The following IL4I1 variants were observed in gnomAD, a reference collection of about 807,000 sequenced individuals.
The protein encoded by IL4I1 is L-amino-acid oxidase.
A neutral mutation model predicts 29.7 loss-of-function variants in IL4I1; 24 were observed. The ratio of observed to expected loss-of-function variants is 0.81; its 90% confidence interval spans 0.59 to 1.14. The LOEUF (loss-of-function observed/expected upper bound fraction) is 1.14. IL4I1 is among the 50% of genes most tolerant of loss of function. The pLI, the probability that IL4I1 is intolerant of heterozygous loss-of-function variation, is 0.00. For missense variants in IL4I1, 686 were observed against 785.6 expected, an observed-to-expected ratio of 0.87 and a Z score of 1.52; for synonymous variants, 371 against 352.5, an observed-to-expected ratio of 1.05 and a Z score of -0.59.
intron 2 of IL4I1, among the ~76,000 whole-genome samples, chr19:49,905,315 C>G (rs1292267011): frequency 6.6e-6 from 1 of 152,210 alleles, no homozygotes; most frequent in East Asian, 1.9e-4. Context: ...AGCACCAGAT[C>G]AGGATCAGCT....
rs1265196755 is a variant in IL4I1 at position 49,889,686 on chromosome 19, G to T, written c.1688C>A (p.Thr563Lys). The part of the protein sequence containing the change: ...GQLSLQNTTH[T>K]RTSH ...GAAAATACTTTAATGCGAGGTCCTC[G>T]TGTGGGTCGTGTTTTGGAGAGATAA... The change falls in exon 8 of 8, where the codon ACG (threonine) becomes AAG (lysine). Residue 563 changes from threonine (T) to lysine (K), a missense_variant. Coordinates refer to ENST00000391826, the MANE Select transcript of IL4I1 (RefSeq NM_152899.2). The T allele has an allele frequency of 6.7e-7, 1 of 1,500,122 alleles. No individual in the cohort carries two copies. The highest frequency in any genetic ancestry group is 8.9e-7 in the Non-Finnish European group (1 of 1,123,504). 92.9% of individuals were successfully genotyped at this position (1,500,122 alleles called of 1,614,324 possible).
At chr19:49,925,319 G>GGCTC (rs1437895143) in intron 2 of IL4I1, among the ~76,000 whole-genome samples, 1 of 151,920 alleles carries the variant, frequency 6.6e-6, no homozygotes, top group Admixed American at 6.6e-5. Flanking sequence ...CGGGCACAGT[G>GGCTC]GCTCAGGCTT....
At chr19:49,902,408 G>A (rs2075279302) in intron 3 of IL4I1, among the ~76,000 whole-genome samples, 1 of 145,070 alleles carries the variant, frequency 6.9e-6, no homozygotes, top group African/African-American at 2.6e-5. Context: ...TGCCCAGGCT[G>A]GAGTGCAGTG....
At chr19:49,908,726 C>G (rs1383368146) in intron 2 of IL4I1, 1 of 1,613,118 alleles carries the variant, frequency 6.2e-7, no homozygotes, top group Non-Finnish European at 8.5e-7. Context: ...CGTGCGGTCC[C>G]AGGCGTTGAC....
intron 2 of IL4I1, among the ~76,000 whole-genome samples, chr19:49,914,068 G>A (rs997676914): frequency 6.6e-6 from 1 of 152,138 alleles, no homozygotes; most frequent in Non-Finnish European, 1.5e-5. Context: ...ACAGTGACAG[G>A]CCAGGCATGA....
chr19:49,895,955 G>T lies in IL4I1; in HGVS notation c.112C>A (p.Gln38Lys). 1.2e-6 allele frequency: 2 copies of T among 1,614,214 alleles called. No homozygotes were observed. The highest frequency in any genetic ancestry group is 1.7e-6 in the Non-Finnish European group (2 of 1,180,050). The change falls in exon 3 of 8, where the codon CAG (glutamine) becomes AAG (lysine). Residue 38 changes from glutamine to lysine, a missense_variant. By Grantham distance (53) the Gln-to-Lys change is moderately conservative. Transcript: ENST00000391826. Reference sequence around the variant, plus strand: ...AGCAGCTGCTCATAGTCAGGATCCTGCATGCATTTCTCGAAGGGGTCTTGG... The same window carrying T: ...AGCAGCTGCTCATAGTCAGGATCCTTCATGCATTTCTCGAAGGGGTCTTGG... ...RSQDPFEKCMQDPDYEQLLKV... is the reference protein window; with the variant it reads ...RSQDPFEKCMKDPDYEQLLKV...
intron 2 of IL4I1, among the ~76,000 whole-genome samples, chr19:49,911,985 C>A (rs987360631): frequency 1.3e-5 from 2 of 152,176 alleles, no homozygotes; most frequent in African/African-American, 4.8e-5. Context: ...CAGCTAAAGG[C>A]ATCTGAGCAG....
upstream of IL4I1, chr19:49,896,955 CT>C: frequency 2.2e-6 from 2 of 903,638 alleles, no homozygotes; most frequent in African/African-American, 1.8e-5. Flanking sequence ...TTTTGGGAAA[CT>C]GGCCGAGGGA....
At chr19:49,908,510 G>C (rs1253723725) in intron 2 of IL4I1, 1 of 1,614,040 alleles carries the variant, frequency 6.2e-7, no homozygotes, top group African/African-American at 1.3e-5. Flanking sequence ...CAGCTTGTAG[G>C]TTTTCTCACG....
intron 5 of IL4I1, among the ~76,000 whole-genome samples, chr19:49,892,228 C>G (rs772825845): frequency 6.6e-6 from 1 of 151,928 alleles, no homozygotes; most frequent in Non-Finnish European, 1.5e-5. Flanking sequence ...ATTACAGGCG[C>G]CTGCCACCAC....
rs138282408 is a variant in IL4I1, at chr19:49,909,771, T to C, written c.-227-5450A>G. On this transcript the variant is annotated intron_variant, in intron 2 of 9. Coordinates refer to the IL4I1 transcript ENST00000341114. Reference sequence around the variant, plus strand: ...GCAGTGCCAAACGTGAACCCGCCTGTAGGGGCCCCAGTGCCTCCAAAATTA... The same window carrying C: ...GCAGTGCCAAACGTGAACCCGCCTGCAGGGGCCCCAGTGCCTCCAAAATTA... The C allele has an allele frequency of 3.7e-6, 6 of 1,613,976 alleles. No individual in the cohort carries two copies. The African/African-American group carries it at 6.7e-5, about 18-fold the overall frequency.
upstream of IL4I1, chr19:49,896,956 T>C: frequency 8.9e-6 from 8 of 897,284 alleles, no homozygotes; most frequent in Non-Finnish European, 1.1e-5. Context: ...TTTGGGAAAC[T>C]GGCCGAGGGA....
intron 2 of IL4I1, among the ~76,000 whole-genome samples, chr19:49,924,054 T>TGCAGGC (rs1162610449): frequency 6.6e-6 from 1 of 151,966 alleles, no homozygotes; most frequent in African/African-American, 2.4e-5. Flanking sequence ...ACGGTGCAGG[T>TGCAGGC]GCAGGCAGGA....
rs747794264 is a variant in IL4I1 at position 49,894,324 on chromosome 19, G to A, written c.511C>T (p.Arg171Cys). 6.2e-7 allele frequency: 1 copy of A among 1,614,210 alleles called. No homozygotes were observed. The highest frequency in any genetic ancestry group is 8.5e-7 in the Non-Finnish European group (1 of 1,180,042). The change falls in exon 5 of 8, where the codon CGT becomes TGT. Residue 171 changes from arginine to cysteine, a missense_variant. Arg to Cys is a radical substitution (Grantham distance 180, BLOSUM62 -3). Coordinates refer to ENST00000391826, the MANE Select transcript of IL4I1 (RefSeq NM_152899.2). ...KVPEKLGYAL[R>C]PQEKGHSPED... Reference sequence around the variant, plus strand: ...GGCGAGTGGCCCTTTTCCTGGGGACGCAAGGCGTAGCCCAGCTTCTCGGGC... The same window carrying A: ...GGCGAGTGGCCCTTTTCCTGGGGACACAAGGCGTAGCCCAGCTTCTCGGGC...
chr19:49,909,477 G>C (rs909405573), intron 2 of IL4I1: 7 of 1,614,170 alleles, frequency 4.3e-6, no homozygotes, highest in Non-Finnish European at 5.9e-6. Flanking sequence ...AAGCCGCTGG[G>C]GTTTGCCATG....
At chr19:49,908,849 G>A in intron 2 of IL4I1, 1 of 1,612,362 alleles carries the variant, frequency 6.2e-7, no homozygotes, top group Non-Finnish European at 8.5e-7. Flanking sequence ...AGCCGCCCCT[G>A]CAGCTGCGCC....
At chr19:49,913,640 TC>T (rs1200507273) in intron 2 of IL4I1, among the ~76,000 whole-genome samples, 1 of 152,234 alleles carries the variant, frequency 6.6e-6, no homozygotes, top group Admixed American at 6.5e-5. Context: ...GTGCCTGGTC[TC>T]CCTTGGGGCT....
intron 5 of IL4I1, among the ~76,000 whole-genome samples, chr19:49,893,985 CAAAAAAAA>C (rs996597872): frequency 5.1e-5 from 1 of 19,674 alleles, no homozygotes; most frequent in Admixed American, 5.7e-4. Flanking sequence ...GACTCCATCT[CAAAAAAAA>C]AAAAAAAAAA....
chr19:49,909,876 G>C, intron 2 of IL4I1: 1 of 1,534,182 alleles, frequency 6.5e-7, no homozygotes, highest in South Asian at 1.1e-5. Flanking sequence ...TGCAGCCTTG[G>C]GAAGATTTCT....
Sources: gnomAD v4.1 joint callset for allele counts (sites outside exome capture counted in the v4.1 genomes callset) on GRCh38, gnomAD v4.1.1 for gene constraint, MANE v1.5 for transcripts, NCBI Gene and HGNC (gene_info 2026-07-23, HGNC 2026-07-21) for gene names.